Variants in STAMBPL1 observed in about 807,000 individuals in gnomAD.
STAMBPL1 encodes STAM binding protein like 1, also known as AMSH-like protease.
In STAMBPL1, 44 loss-of-function variants were observed where a neutral mutation model predicts 52.9. The observed-to-expected ratio is 0.83, with a 90% CI of 0.65 to 1.07. The LOEUF (loss-of-function observed/expected upper bound fraction) is 1.07. STAMBPL1 is among the 50% of genes least tolerant of loss of function. The pLI, the probability that STAMBPL1 is intolerant of heterozygous loss-of-function variation, is 0.00. For missense variants in STAMBPL1, 511 were observed against 520.8 expected (o/e 0.98, Z 0.18); for synonymous variants, 164 against 177.3 (o/e 0.92, Z 0.60).
intron 1 of STAMBPL1, among the ~76,000 whole-genome samples, chr10:88,899,638 T>C (rs1844895043): frequency 6.6e-6 from 1 of 152,136 alleles, no homozygotes; most frequent in Non-Finnish European, 1.5e-5. Flanking sequence ...GCCTCCCTAG[T>C]AGCTGGGATT....
chr10:88,897,687 G>A (rs1178218033), intron 1 of STAMBPL1, among the ~76,000 whole-genome samples: 3 of 152,182 alleles, frequency 2.0e-5, no homozygotes, highest in African/African-American at 7.2e-5. Flanking sequence ...TGCCGAATGA[G>A]TAAAGTAAAC....
Position 88,921,402 on chromosome 10 carries a change from G to A in STAMBPL1, c.1154+7G>A. 6.2e-7 allele frequency: 1 copy of A among 1,601,638 alleles called. No individual in the cohort carries two copies. Among genetic ancestry groups the A allele is most frequent in the East Asian group, 2.2e-5 (1 of 44,786 alleles). ...GCTCACCAAAGCATAAAGAGTAAGT[G>A]TAACTCTTCAGGGGAGACCAAAGAA... is the stretch of plus-strand genomic sequence containing the variant. On this transcript the variant is annotated splice_region_variant and intron_variant, in intron 9 of 10. Coordinates refer to ENST00000371926, the MANE Select transcript of STAMBPL1 (RefSeq NM_020799.4).
chr10:88,920,405 A>G lies in STAMBPL1; in HGVS notation c.1042-878A>G, dbSNP rs569868522. On this transcript the variant is annotated intron_variant, in intron 8 of 10. Coordinates refer to ENST00000371926, the MANE Select transcript of STAMBPL1 (RefSeq NM_020799.4). ...CAATTTTACAGATGATGAAATGGGCAAGAGAAGGTTAAGAAATCTTCAGCG... is the reference window on the plus strand; with the variant it reads ...CAATTTTACAGATGATGAAATGGGCGAGAGAAGGTTAAGAAATCTTCAGCG... 3.3e-5 allele frequency among the ~76,000 whole-genome samples: 5 copies of G among 152,330 alleles called. No individual in the cohort carries two copies. The East Asian group carries it at 7.7e-4, about 24-fold the overall frequency.
chr10:88,885,917 A>G (rs1214438336), intron 1 of STAMBPL1, among the ~76,000 whole-genome samples: 1 of 152,206 alleles, frequency 6.6e-6, no homozygotes, highest in Non-Finnish European at 1.5e-5. Context: ...GTATGTTCTC[A>G]TAACTCTCAG....
At chr10:88,882,990 G>A (rs1372752309) in intron 1 of STAMBPL1, 2 of 151,176 alleles carry the variant, frequency 1.3e-5, no homozygotes, top group South Asian at 2.1e-4. Flanking sequence ...GGTATATCTC[G>A]TAATGCTATC....
At chr10:88,896,470 AT>A (rs1256610557) in intron 1 of STAMBPL1, among the ~76,000 whole-genome samples, 2 of 152,172 alleles carry the variant, frequency 1.3e-5, no homozygotes, top group Admixed American at 1.3e-4. Flanking sequence ...AGTTACAATA[AT>A]TTTCTTTGTC....
chr10:88,907,473 A>G (rs943364873), intron 3 of STAMBPL1, among the ~76,000 whole-genome samples: 6 of 152,214 alleles, frequency 3.9e-5, no homozygotes, highest in African/African-American at 1.4e-4. Flanking sequence ...TAAGTTACCA[A>G]TTAATAATAT....
chr10:88,916,818 G>A lies in STAMBPL1; in HGVS notation c.1041+1G>A. On this transcript the variant is annotated splice_donor_variant, in intron 8 of 10. Transcript: ENST00000371926. LOFTEE classifies it high-confidence loss of function. ...TCTCCTCACTCTAGGATGGATCCAT[G>A]TACGTTTGACCTTTTGGGTTTCAGT... 6.4e-7 allele frequency: 1 copy of A among 1,569,480 alleles called. No homozygotes were observed. The highest frequency in any genetic ancestry group is 8.6e-7 in the Non-Finnish European group (1 of 1,158,202).
At chr10:88,899,332 G>T (rs11202884) in intron 1 of STAMBPL1, among the ~76,000 whole-genome samples, 2 of 152,044 alleles carry the variant, frequency 1.3e-5, no homozygotes, top group Non-Finnish European at 2.9e-5. Flanking sequence ...GCTTAAAACC[G>T]ATGGATTCAG....
chr10:88,883,415 C>G (rs1367827303), intron 1 of STAMBPL1, among the ~76,000 whole-genome samples: 2 of 152,168 alleles, frequency 1.3e-5, no homozygotes, highest in African/African-American at 4.8e-5. Flanking sequence ...CTTGCTTATT[C>G]CACCTATCTG....
intron 1 of STAMBPL1, among the ~76,000 whole-genome samples, chr10:88,894,596 C>G (rs1844767021): frequency 6.6e-6 from 1 of 152,170 alleles, no homozygotes; most frequent in South Asian, 2.1e-4. Context: ...TGTAAATAAT[C>G]TCAAATAATT....
At chr10:88,907,130 T>A (rs1845095477) in intron 3 of STAMBPL1, among the ~76,000 whole-genome samples, 1 of 152,208 alleles carries the variant, frequency 6.6e-6, no homozygotes, top group South Asian at 2.1e-4. Flanking sequence ...GCAGTATTTG[T>A]GTTTCTGTGC....
Position 88,923,327 on chromosome 10 carries a change from T to G in STAMBPL1, c.*103T>G. ...TCCAGAAATGACTGATATTTTATAT[T>G]TATACATTTTAGATGACAAAGCTTG... is the stretch of plus-strand genomic sequence containing the variant. On this transcript the variant is annotated 3_prime_UTR_variant, in exon 11 of 11. Coordinates refer to ENST00000371926, the MANE Select transcript of STAMBPL1 (RefSeq NM_020799.4). 1 of 1,437,030 alleles carries G rather than the reference T, an allele frequency of 7.0e-7. No individual in the cohort carries two copies. Among genetic ancestry groups the G allele is most frequent in the Non-Finnish European group, 9.1e-7 (1 of 1,097,586 alleles). The allele number at this position is 1,437,030 out of a possible 1,614,324, so 89.0% of individuals were successfully genotyped here.
In STAMBPL1 at chr10:88,919,351, T is replaced by TATC. The variant is rs576669304; in HGVS notation, c.1042-1917_1042-1915dup. Among the ~76,000 whole-genome samples, 586 of 152,272 alleles carry TATC rather than the reference T, an allele frequency of 3.8e-3. 3 individuals are homozygous for TATC. The highest frequency in any genetic ancestry group is 0.015 in the South Asian group (73 of 4,822). On this transcript the variant is annotated intron_variant, in intron 8 of 10. Transcript: ENST00000371926. ...AATAAATGGCATCTGCTGCCATTGT[T>TATC]ATCATCATCATCATCATTTTCATTT...
At chr10:88,903,271 G>A (rs1157269715) in intron 2 of STAMBPL1, among the ~76,000 whole-genome samples, 1 of 151,942 alleles carries the variant, frequency 6.6e-6, no homozygotes, top group Non-Finnish European at 1.5e-5. Flanking sequence ...ATTCAGAAGA[G>A]GAAAAATCAA....
chr10:88,916,279 T>G (rs1462715081), intron 7 of STAMBPL1, among the ~76,000 whole-genome samples: 2 of 151,898 alleles, frequency 1.3e-5, no homozygotes, highest in Non-Finnish European at 2.9e-5. Flanking sequence ...CACAAAATTA[T>G]TTAACTAGTG....
rs552893760 is a variant in STAMBPL1, at chr10:88,921,360, G to T, written c.1119G>T (p.Glu373Asp). 6.2e-7 allele frequency: 1 copy of T among 1,613,270 alleles called. No homozygotes were observed. The highest frequency in any genetic ancestry group is 2.2e-5 in the East Asian group (1 of 44,858). ...THCSYQLMLP[E>D]AIAIVCSPKH... ...GTTCCTATCAACTCATGTTGCCAGAGGCCATTGCCATTGTTTGCTCACCAA... is the reference window on the plus strand; with the variant it reads ...GTTCCTATCAACTCATGTTGCCAGATGCCATTGCCATTGTTTGCTCACCAA... Residue 373 changes from glutamate to aspartate, a missense_variant, in exon 9 of 11, where the codon GAG becomes GAT. This residue lies in a region of STAMBPL1 where 137 missense variants were observed against 139.9 expected (regional missense o/e 0.98). Coordinates refer to ENST00000371926, the MANE Select transcript of STAMBPL1 (RefSeq NM_020799.4).
At chr10:88,896,246 T>C (rs998473913) in intron 1 of STAMBPL1, among the ~76,000 whole-genome samples, 1 of 152,236 alleles carries the variant, frequency 6.6e-6, no homozygotes, top group Admixed American at 6.5e-5. Flanking sequence ...AACAAATCAA[T>C]GTAATCTTTG....
intron 6 of STAMBPL1, 140 bp downstream of exon 6, chr10:88,913,598 T>A: frequency 1.4e-6 from 1 of 716,810 alleles, no homozygotes; most frequent in Non-Finnish European, 2.3e-6. Context: ...ATGAAAGAAT[T>A]AACCTTTCAA....
Sources: allele counts gnomAD v4.1 joint callset (sites outside exome capture counted in the v4.1 genomes callset), GRCh38; gene constraint gnomAD v4.1.1; regional missense constraint gnomAD v4.1.1; transcripts MANE v1.5; gene names NCBI Gene and HGNC (gene_info 2026-07-23, HGNC 2026-07-21).